Variants in BLTP3A observed in about 807,000 individuals in gnomAD.
BLTP3A encodes the protein ICBP90 binding protein 1.
chr6:34,835,257 G>A, the BLTP3A span: 3 of 1,602,340 alleles, frequency 1.9e-6, no homozygotes, highest in South Asian at 2.2e-5. Context: ...GGAATGATAC[G>A]AGGTGATAAA....
At chr6:34,818,568 AC>A in the BLTP3A span, among the ~76,000 whole-genome samples, 1 of 152,206 alleles carries the variant, frequency 6.6e-6, no homozygotes, top group Non-Finnish European at 1.5e-5. Context: ...AAAATTTGTT[AC>A]AAAATATTTG....
chr6:34,863,465 A>G, the BLTP3A span, among the ~76,000 whole-genome samples: 207 of 152,190 alleles, frequency 1.4e-3, no homozygotes, highest in Non-Finnish European at 1.8e-3. Context: ...TCTCACTTTC[A>G]CAGTCCTTCA....
At chr6:34,817,871 G>C in the BLTP3A span, among the ~76,000 whole-genome samples, 8 of 111,702 alleles carry the variant, frequency 7.2e-5, no homozygotes, top group Non-Finnish European at 1.1e-4. Flanking sequence ...TTTTTTTTGG[G>C]GGGGTGGAGT....
At chr6:34,868,174 C>T in the BLTP3A span, among the ~76,000 whole-genome samples, 1 of 151,844 alleles carries the variant, frequency 6.6e-6, no homozygotes, top group Non-Finnish European at 1.5e-5. Context: ...GGCGTGGTGG[C>T]GGGTGCCTGT....
the BLTP3A span, among the ~76,000 whole-genome samples, chr6:34,866,633 A>T: frequency 6.6e-6 from 1 of 152,192 alleles, no homozygotes; most frequent in Non-Finnish European, 1.5e-5. Flanking sequence ...TAGTTCAGTG[A>T]CATTAAGTAC....
chr6:34,860,272 G>A, the BLTP3A span, among the ~76,000 whole-genome samples: 2 of 152,200 alleles, frequency 1.3e-5, no homozygotes, highest in African/African-American at 4.8e-5. Context: ...CAGAGATAGA[G>A]TAGGGAGTAA....
chr6:34,821,159 T>G, the BLTP3A span, among the ~76,000 whole-genome samples: 1 of 152,078 alleles, frequency 6.6e-6, no homozygotes, highest in Non-Finnish European at 1.5e-5. Flanking sequence ...TTTCTCCATG[T>G]AGGTCAGGCT....
chr6:34,794,170 G>C, the BLTP3A span, among the ~76,000 whole-genome samples: 1 of 142,030 alleles, frequency 7.0e-6, no homozygotes. Flanking sequence ...AAAAAAAAAA[G>C]TATATTTTAA....
chr6:34,856,101 A>G, the BLTP3A span: 62 of 1,259,970 alleles, frequency 4.9e-5, no homozygotes, highest in Non-Finnish European at 6.6e-5. Flanking sequence ...ATCATTGGAT[A>G]ATTTTTCCTT....
the BLTP3A span, among the ~76,000 whole-genome samples, chr6:34,808,516 C>T: frequency 2.6e-5 from 4 of 151,642 alleles, no homozygotes; most frequent in African/African-American, 7.3e-5. Context: ...ATATTGTCAG[C>T]GGTGAAAGAG....
the BLTP3A span, among the ~76,000 whole-genome samples, chr6:34,818,140 GA>G: frequency 6.6e-6 from 1 of 152,136 alleles, no homozygotes; most frequent in Non-Finnish European, 1.5e-5. Flanking sequence ...TTACAGGCGT[GA>G]GCCACCGCGC....
chr6:34,836,440 A>G, the BLTP3A span: 2 of 1,254,926 alleles, frequency 1.6e-6, no homozygotes, highest in Non-Finnish European at 2.2e-6. Context: ...TTCAGAAGAC[A>G]TTGTGGAGTA....
the BLTP3A span, chr6:34,858,156 A>G: frequency 6.2e-7 from 1 of 1,614,022 alleles, no homozygotes; most frequent in Non-Finnish European, 8.5e-7. Context: ...GAGAGCGGGC[A>G]GAGTTGCATC....
chr6:34,824,260 C>T, the BLTP3A span, among the ~76,000 whole-genome samples: 57 of 152,036 alleles, frequency 3.7e-4, no homozygotes, highest in Middle Eastern at 3.4e-3. Context: ...AGGCCAGGCG[C>T]GGTGGCTCAC....
the BLTP3A span, chr6:34,836,215 G>C: frequency 6.2e-7 from 1 of 1,614,188 alleles, no homozygotes; most frequent in Non-Finnish European, 8.5e-7. Flanking sequence ...GTGGCAGCCA[G>C]GGCAACAGCA....
At chr6:34,806,904 C>A in the BLTP3A span, among the ~76,000 whole-genome samples, 1 of 152,204 alleles carries the variant, frequency 6.6e-6, no homozygotes, top group East Asian at 1.9e-4. Flanking sequence ...AAGTGATCCA[C>A]CTGCCTCGGC....
chr6:34,819,658 G>A, the BLTP3A span, among the ~76,000 whole-genome samples: 2 of 152,208 alleles, frequency 1.3e-5, no homozygotes, highest in Non-Finnish European at 2.9e-5. Flanking sequence ...CAGGAATGGA[G>A]AATAAAAGAG....
At chr6:34,830,857 T>C in the BLTP3A span, among the ~76,000 whole-genome samples, 1 of 152,160 alleles carries the variant, frequency 6.6e-6, no homozygotes, top group Non-Finnish European at 1.5e-5. Context: ...TATCTGGTAT[T>C]GTCTATCTTT....
the BLTP3A span, among the ~76,000 whole-genome samples, chr6:34,843,317 C>T: frequency 1.3e-5 from 2 of 151,888 alleles, no homozygotes; most frequent in East Asian, 3.9e-4. Context: ...GCCCACATAT[C>T]TATATACAAT....
Sources: gnomAD v4.1 joint callset for allele counts (sites outside exome capture counted in the v4.1 genomes callset) on GRCh38, gnomAD v4.1.1 for gene constraint, MANE v1.5 for transcripts, NCBI Gene and HGNC (gene_info 2026-07-23, HGNC 2026-07-21) for gene names.